Variants in SINHCAF observed in about 807,000 individuals in gnomAD.
SINHCAF encodes SIN3-HDAC complex-associated factor.
Under a neutral mutation model 25.8 loss-of-function variants are expected in SINHCAF, and 3 were observed. The observed-to-expected ratio is 0.12, with a 90% CI of 0.05 to 0.30. SINHCAF has a LOEUF of 0.30. Ranked by LOEUF, SINHCAF falls within the 10% of genes least tolerant of loss-of-function variation. The pLI is 1.00. For synonymous variants in SINHCAF, 70 were observed against 85.5 expected, an observed-to-expected ratio of 0.82 and a Z score of 1.00; for missense variants, 121 against 262.3, an observed-to-expected ratio of 0.46 and a Z score of 3.72.
At chr12:31,319,313 G>T (rs574560253) in intron 1 of SINHCAF, among the ~76,000 whole-genome samples, 1 of 152,158 alleles carries the variant, frequency 6.6e-6, no homozygotes, top group Non-Finnish European at 1.5e-5. Flanking sequence ...TGGATCACCT[G>T]GTCAGGAGTT....
At position 31,280,653 on chromosome 12, in the gene SINHCAF, T is replaced by C. The variant is rs1430797819; in HGVS notation, c.*2059A>G. 1 of 152,466 alleles carries C rather than the reference T, an allele frequency of 6.6e-6. No individual in the cohort carries two copies. The allele number at this position is 152,466 out of a possible 1,614,324, so 9.4% of individuals were successfully genotyped here. Reference sequence around the variant, plus strand: ...AGTTTTGATTATAAGTATCCAACAGTATAAAAAGTACAAAACAGATCTGTA... The same window carrying C: ...AGTTTTGATTATAAGTATCCAACAGCATAAAAAGTACAAAACAGATCTGTA... On this transcript the variant is annotated 3_prime_UTR_variant, in exon 6 of 6. Coordinates refer to ENST00000337682, the MANE Select transcript of SINHCAF (RefSeq NM_001135812.2).
intron 1 of SINHCAF, among the ~76,000 whole-genome samples, chr12:31,314,166 T>C (rs973381193): frequency 2.6e-5 from 4 of 151,776 alleles, no homozygotes; most frequent in Admixed American, 1.3e-4. Context: ...GTCTAACAAG[T>C]GGCAGACAAG....
chr12:31,294,891 C>G (rs1293007148), intron 3 of SINHCAF, among the ~76,000 whole-genome samples: 1 of 152,096 alleles, frequency 6.6e-6, no homozygotes, highest in Non-Finnish European at 1.5e-5. Flanking sequence ...TAGTACCAAC[C>G]TGAGTTCAAA....
At chr12:31,291,921 T>G (rs185780720) in intron 4 of SINHCAF, among the ~76,000 whole-genome samples, 67 of 152,308 alleles carry the variant, frequency 4.4e-4, no homozygotes, top group African/African-American at 1.5e-3. Context: ...TGCACAAAGG[T>G]GCCAGCAATT....
intron 1 of SINHCAF, among the ~76,000 whole-genome samples, chr12:31,318,651 GAAA>G (rs34544624): frequency 7.2e-6 from 1 of 138,228 alleles, no homozygotes; most frequent in African/African-American, 2.7e-5. Context: ...TTGGTAGAGC[GAAA>G]AAAAAAAAAA....
At chr12:31,289,451 C>A (rs1485980921) in intron 4 of SINHCAF, among the ~76,000 whole-genome samples, 1 of 152,132 alleles carries the variant, frequency 6.6e-6, no homozygotes, top group East Asian at 1.9e-4. Flanking sequence ...AACAAAAGAT[C>A]CTGATTTAAT....
At chr12:31,322,691 T>A (rs1423657589) in intron 1 of SINHCAF, among the ~76,000 whole-genome samples, 1 of 152,130 alleles carries the variant, frequency 6.6e-6, no homozygotes, top group East Asian at 1.9e-4. Flanking sequence ...TGAAAAAAAA[T>A]GGATTTCAAC....
chr12:31,291,633 A>G (rs541378418), intron 4 of SINHCAF, among the ~76,000 whole-genome samples: 55 of 152,238 alleles, frequency 3.6e-4, no homozygotes, highest in Admixed American at 3.0e-3. Context: ...GTGTGGTGGC[A>G]TGCACCTGTA....
intron 5 of SINHCAF, among the ~76,000 whole-genome samples, chr12:31,285,145 T>C (rs1464840984): frequency 6.6e-6 from 1 of 152,128 alleles, no homozygotes; most frequent in African/African-American, 2.4e-5. Flanking sequence ...CCCAGCACTT[T>C]GGGAGGCCAA....
chr12:31,289,953 T>G (rs571363565), intron 4 of SINHCAF, among the ~76,000 whole-genome samples: 1 of 150,934 alleles, frequency 6.6e-6, no homozygotes, highest in East Asian at 2.0e-4. Context: ...GTCTCCTGAG[T>G]AGCTGGGACC....
chr12:31,306,961 C>T (rs1939049524), intron 1 of SINHCAF, among the ~76,000 whole-genome samples: 1 of 152,210 alleles, frequency 6.6e-6, no homozygotes, highest in South Asian at 2.1e-4. Flanking sequence ...AACCTTACCA[C>T]CTTCTCCCCT....
At chr12:31,285,945 A>G (rs1938043963) in intron 5 of SINHCAF, among the ~76,000 whole-genome samples, 1 of 151,322 alleles carries the variant, frequency 6.6e-6, no homozygotes, top group Admixed American at 6.6e-5. Flanking sequence ...ACTGCACTCC[A>G]GTCTGGGCTA....
intron 1 of SINHCAF, chr12:31,302,937 T>C: frequency 2.0e-6 from 2 of 985,406 alleles, no homozygotes; most frequent in Non-Finnish European, 2.4e-6. Context: ...CATGGTTTTA[T>C]TACCCATATG....
intron 1 of SINHCAF, among the ~76,000 whole-genome samples, chr12:31,315,684 AGAG>A (rs769628093): frequency 8.5e-5 from 13 of 152,348 alleles, no homozygotes; most frequent in South Asian, 2.1e-4. Context: ...AAAGAAATTT[AGAG>A]GAGGACTGTG....
chr12:31,314,398 C>A (rs1438512308), intron 1 of SINHCAF, among the ~76,000 whole-genome samples: 3 of 151,924 alleles, frequency 2.0e-5, no homozygotes, highest in Admixed American at 6.6e-5. Flanking sequence ...TGGTGGCGGG[C>A]GCCTGTAATC....
chr12:31,295,009 G>A (rs558435851), intron 3 of SINHCAF, among the ~76,000 whole-genome samples: 74 of 152,300 alleles, frequency 4.9e-4, no homozygotes, highest in Middle Eastern at 6.8e-3. Flanking sequence ...TGAATCTCCA[G>A]AAGGGGGATA....
chr12:31,287,492 C>T, intron 5 of SINHCAF, 142 bp downstream of exon 5: 1 of 518,070 alleles, frequency 1.9e-6, no homozygotes, highest in Non-Finnish European at 3.3e-6. Flanking sequence ...AATCCCACTT[C>T]CCTGCTCAAT....
intron 5 of SINHCAF, among the ~76,000 whole-genome samples, chr12:31,285,974 C>CAA (rs34769347): frequency 3.1e-4 from 24 of 77,532 alleles, no homozygotes; most frequent in East Asian, 1.9e-3. Flanking sequence ...AACTCTGTCT[C>CAA]AAAAAAAAAA....
chr12:31,301,846 C>T (rs1938809802), intron 1 of SINHCAF, among the ~76,000 whole-genome samples: 3 of 151,940 alleles, frequency 2.0e-5, no homozygotes, highest in African/African-American at 4.8e-5. Context: ...TAACAAAGTA[C>T]TGGGTGGGCG....
Sources: allele counts gnomAD v4.1 joint callset (sites outside exome capture counted in the v4.1 genomes callset), GRCh38; gene constraint gnomAD v4.1.1; transcripts MANE v1.5; gene names NCBI Gene and HGNC (gene_info 2026-07-23, HGNC 2026-07-21).